The following CHD6 variants were observed in gnomAD, a reference collection of about 807,000 sequenced individuals.
The protein encoded by CHD6 is chromodomain helicase DNA binding protein 6.
Under a neutral mutation model 276.9 loss-of-function variants are expected in CHD6, and 50 were observed. The ratio of observed to expected loss-of-function variants is 0.18; its 90% CI spans 0.14 to 0.23. CHD6 has a LOEUF of 0.23. CHD6 is among the 10% of genes least tolerant of loss of function. The pLI, the probability that CHD6 is intolerant of heterozygous loss-of-function variation, is 1.00. For synonymous variants in CHD6, 1,173 were observed against 1,229.3 expected (o/e 0.95, Z 0.96); for missense variants, 2,564 against 3,365.8 (o/e 0.76, Z 5.89).
At chr20:41,592,154 G>A (rs1275525882) in intron 1 of CHD6, among the ~76,000 whole-genome samples, 1 of 152,088 alleles carries the variant, frequency 6.6e-6, no homozygotes, top group African/African-American at 2.4e-5. Flanking sequence ...AATGGTCACA[G>A]GTTCCCAATA....
intron 1 of CHD6, among the ~76,000 whole-genome samples, chr20:41,609,048 T>C (rs1353097833): frequency 6.6e-6 from 1 of 152,176 alleles, no homozygotes; most frequent in Non-Finnish European, 1.5e-5. Context: ...AAACCTGAAG[T>C]AAGGAACCTC....
intron 5 of CHD6, among the ~76,000 whole-genome samples, chr20:41,500,013 T>A (rs1031458882): frequency 6.6e-6 from 1 of 152,146 alleles, no homozygotes; most frequent in African/African-American, 2.4e-5. Context: ...TAGATAACCA[T>A]CAACACTTCT....
At chr20:41,481,456 AT>A (rs1421916018) in intron 16 of CHD6, among the ~76,000 whole-genome samples, 2 of 152,230 alleles carry the variant, frequency 1.3e-5, no homozygotes, top group Non-Finnish European at 2.9e-5. Flanking sequence ...AATAACAAAT[AT>A]GAAAAAATAC....
At chr20:41,464,012 A>T (rs1455524862) in intron 17 of CHD6, among the ~76,000 whole-genome samples, 2 of 152,330 alleles carry the variant, frequency 1.3e-5, no homozygotes, top group East Asian at 3.9e-4. Context: ...AAAGAAAGGG[A>T]CAGAGACACA....
chr20:41,414,671 TA>T, intron 34 of CHD6: 1 of 250,000 alleles, frequency 4.0e-6, no homozygotes, highest in Non-Finnish European at 7.3e-6. Flanking sequence ...ATGATCTCCG[TA>T]AATCTTCAAC....
chr20:41,416,700 A>C lies in CHD6; in HGVS notation c.6374T>G (p.Leu2125Arg), dbSNP rs1434555061. The change falls in exon 33 of 37, where the codon CTG becomes CGG. Residue 2125 changes from leucine (L) to arginine (R), a missense_variant. Leu to Arg is a moderately radical substitution (Grantham distance 102). This residue lies in a region of CHD6 where 1,024 missense variants were observed against 1,047.9 expected (regional missense o/e 0.98). Transcript: ENST00000373233. ...SSQQYEPSGT[L>R]PTPVLTSSAG... ...ACTGCTGGTTAATACCGGGGTGGGC[A>C]GTGTGCCTGAGGGCTCATACTGCTG... is the stretch of plus-strand genomic sequence containing the variant. The C allele has an allele frequency of 1.9e-6, 3 of 1,613,970 alleles. No homozygotes were observed. The highest frequency in any genetic ancestry group is 2.5e-6 in the Non-Finnish European group (3 of 1,179,992).
At chr20:41,523,101 C>G (rs1423660865) in intron 3 of CHD6, among the ~76,000 whole-genome samples, 3 of 152,168 alleles carry the variant, frequency 2.0e-5, no homozygotes, top group Non-Finnish European at 1.5e-5. Flanking sequence ...CAGACAGGCA[C>G]AGGGGGTCAC....
Position 41,583,063 on chromosome 20 carries a change from G to A in CHD6, c.-23-31703C>T, listed in dbSNP as rs143719631. ...GGCAGAAGGGGATAGAGGGACTGAC[G>A]CAGAAACAGTATTTGGCAGGGGGGA... On this transcript the variant is annotated intron_variant, in intron 1 of 36. Coordinates refer to ENST00000373233, the MANE Select transcript of CHD6 (RefSeq NM_032221.5). 2.0e-3 allele frequency among the ~76,000 whole-genome samples: 297 copies of A among 152,178 alleles called. 1 individual carries two copies. The highest frequency in any genetic ancestry group is 4.5e-3 in the Admixed American group (68 of 15,278).
intron 17 of CHD6, among the ~76,000 whole-genome samples, chr20:41,461,025 C>T (rs1431340482): frequency 2.6e-5 from 4 of 152,210 alleles, no homozygotes; most frequent in Non-Finnish European, 5.9e-5. Context: ...GACCTGAAGT[C>T]AAAGGAGATC....
chr20:41,415,167 T>G lies in CHD6; in HGVS notation c.6939+19A>C. ...TGTAGAAAGGTAAATGTTTTTAATC[T>G]AATGACCTCAATACCCACCAAGATT... On this transcript the variant is annotated intron_variant, in intron 34 of 36. Transcript: ENST00000373233. 6.3e-7 allele frequency: 1 copy of G among 1,597,562 alleles called. No individual in the cohort carries two copies. The highest frequency in any genetic ancestry group is 8.5e-7 in the Non-Finnish European group (1 of 1,170,568).
intron 1 of CHD6, among the ~76,000 whole-genome samples, chr20:41,574,159 G>A (rs1428265785): frequency 2.0e-5 from 3 of 149,390 alleles, no homozygotes; most frequent in African/African-American, 7.4e-5. Context: ...GGGGGAGGAA[G>A]GAAGAGAGGG....
intron 2 of CHD6, among the ~76,000 whole-genome samples, chr20:41,539,509 T>C (rs2044899021): frequency 6.6e-6 from 1 of 152,134 alleles, no homozygotes; most frequent in South Asian, 2.1e-4. Context: ...CCCTTCAGGA[T>C]AGAGAAGTAT....
intron 1 of CHD6, among the ~76,000 whole-genome samples, chr20:41,600,224 C>T (rs1295546056): frequency 6.6e-6 from 1 of 152,168 alleles, no homozygotes; most frequent in Non-Finnish European, 1.5e-5. Context: ...TAAATGAATG[C>T]CACCAACAAA....
chr20:41,480,785 G>T (rs988189059), intron 16 of CHD6, among the ~76,000 whole-genome samples: 58 of 152,282 alleles, frequency 3.8e-4, no homozygotes, highest in African/African-American at 1.4e-3. Context: ...GGTAGAGAGT[G>T]AATTAGCAAA....
chr20:41,439,581 T>C (rs2047834529), intron 26 of CHD6, among the ~76,000 whole-genome samples: 1 of 152,208 alleles, frequency 6.6e-6, no homozygotes, highest in Admixed American at 6.5e-5. Flanking sequence ...TATGCAATCC[T>C]TAGACAATAC....
At chr20:41,464,824 C>T (rs774493271) in intron 17 of CHD6, among the ~76,000 whole-genome samples, 6 of 151,204 alleles carry the variant, frequency 4.0e-5, no homozygotes, top group Non-Finnish European at 5.9e-5. Context: ...CGTGGGGGCA[C>T]GAAAAATGTA....
chr20:41,505,343 T>C (rs1299439568), intron 5 of CHD6, among the ~76,000 whole-genome samples: 3 of 152,322 alleles, frequency 2.0e-5, no homozygotes, highest in Admixed American at 2.0e-4. Context: ...CAGAAGTCTC[T>C]TGAGGAAATC....
intron 30 of CHD6, 60 bp from the exon 31 acceptor site, chr20:41,422,139 C>T: frequency 6.6e-7 from 1 of 1,511,414 alleles, no homozygotes. Flanking sequence ...TCCCCGCCCA[C>T]CTGAGCCCCT....
At chr20:41,589,423 A>C (rs1285077369) in intron 1 of CHD6, among the ~76,000 whole-genome samples, 1 of 152,218 alleles carries the variant, frequency 6.6e-6, no homozygotes, top group Non-Finnish European at 1.5e-5. Flanking sequence ...AGAGGAAGTC[A>C]AACCGTCCCT....
Sources: allele counts gnomAD v4.1 joint callset (sites outside exome capture counted in the v4.1 genomes callset), GRCh38; gene constraint gnomAD v4.1.1; regional missense constraint gnomAD v4.1.1; transcripts MANE v1.5; gene names NCBI Gene and HGNC (gene_info 2026-07-23, HGNC 2026-07-21).